The following SNX30 variants were observed in gnomAD, a reference collection of about 807,000 sequenced individuals.
SNX30 encodes the protein sorting nexin-30.
A neutral mutation model predicts 46.4 loss-of-function variants in SNX30; 24 were observed. That is an observed-to-expected ratio of 0.52 (90% CI 0.37 to 0.73). The LOEUF (loss-of-function observed/expected upper bound fraction) is 0.73. Among genes scored for constraint, SNX30 ranks in the 30% least tolerant of loss-of-function variants. SNX30 has a pLI of 0.00. For synonymous variants in SNX30, 189 were observed against 211.5 expected, an observed-to-expected ratio of 0.89 and a Z score of 0.92; for missense variants, 533 against 555.7, an observed-to-expected ratio of 0.96 and a Z score of 0.41.
chr9:112,751,169 G>C lies in SNX30; in HGVS notation c.156+12G>C, dbSNP rs1437866339. 6.7e-7 allele frequency: 1 copy of C among 1,493,200 alleles called. No individual in the cohort carries two copies. Among genetic ancestry groups the C allele is most frequent in the South Asian group, 1.3e-5 (1 of 77,996 alleles). 92.5% of individuals were successfully genotyped at this position (1,493,200 alleles called of 1,614,324 possible). A position where few individuals can be genotyped will look rare whatever the true frequency, so the allele number is the denominator to read the frequency against. On this transcript the variant is annotated intron_variant, in intron 1 of 8. Coordinates refer to ENST00000374232, the MANE Select transcript of SNX30 (RefSeq NM_001012994.2). ...GCTTCGGTGACAAGGTGGGGCGCCT[G>C]GGGCCGGGGAGTGGGAGGCTTATTT...
chr9:112,822,459 C>T (rs908969301), intron 3 of SNX30, among the ~76,000 whole-genome samples: 1 of 151,814 alleles, frequency 6.6e-6, no homozygotes, highest in Non-Finnish European at 1.5e-5. Context: ...GTATGTACCC[C>T]TGATACCATC....
chr9:112,796,143 C>A (rs1441382558), intron 1 of SNX30, among the ~76,000 whole-genome samples: 2 of 152,160 alleles, frequency 1.3e-5, no homozygotes, highest in East Asian at 1.9e-4. Context: ...TCAAACCAGG[C>A]CAGATTGTGG....
chr9:112,864,763 C>T (rs1361786214), intron 8 of SNX30, among the ~76,000 whole-genome samples: 1 of 152,112 alleles, frequency 6.6e-6, no homozygotes, highest in Non-Finnish European at 1.5e-5. Context: ...GTTCTGTACA[C>T]AGGGTCCCTT....
chr9:112,881,975 G>C (rs1375831969), downstream of SNX30, among the ~76,000 whole-genome samples: 4 of 152,176 alleles, frequency 2.6e-5, no homozygotes, highest in Admixed American at 1.3e-4. Flanking sequence ...GAGAAGAGTG[G>C]GAGGGGAGGC....
chr9:112,855,639 C>G (rs745432434), intron 7 of SNX30, among the ~76,000 whole-genome samples: 1 of 151,874 alleles, frequency 6.6e-6, no homozygotes, highest in Non-Finnish European at 1.5e-5. Flanking sequence ...GCAGAGGATG[C>G]GGAGGCCTCT....
Position 112,806,171 on chromosome 9 carries a change from T to C in SNX30, c.348+1204T>C, listed in dbSNP as rs1443829808. ...CCATGAGACGGCAGGAGTGTTCTCT[T>C]GGTCCCCAGTTGTGACAACCAAAAA... On this transcript the variant is annotated intron_variant, in intron 2 of 8. Coordinates refer to ENST00000374232, the MANE Select transcript of SNX30 (RefSeq NM_001012994.2). Among the ~76,000 whole-genome samples, 5 of 152,172 alleles carry C rather than the reference T, an allele frequency of 3.3e-5. No individual in the cohort carries two copies. The East Asian group carries it at 9.6e-4, about 29-fold the overall frequency.
At chr9:112,770,951 G>A (rs555533149) in intron 1 of SNX30, among the ~76,000 whole-genome samples, 2 of 152,302 alleles carry the variant, frequency 1.3e-5, no homozygotes, top group South Asian at 2.1e-4. Flanking sequence ...AGCCGAGATC[G>A]GGCCACTGCA....
downstream of SNX30, chr9:112,879,405 C>T (rs560726658): frequency 9.2e-6 from 2 of 218,312 alleles, no homozygotes; most frequent in Admixed American, 5.2e-5. Flanking sequence ...CAAGACAGTC[C>T]CTTGAAGAAA....
chr9:112,833,167 A>T (rs1352515243), intron 4 of SNX30, among the ~76,000 whole-genome samples: 1 of 152,172 alleles, frequency 6.6e-6, no homozygotes, highest in Non-Finnish European at 1.5e-5. Context: ...TGCAGATCTG[A>T]AACTCTATGC....
At chr9:112,844,726 G>A (rs1035431708) in intron 6 of SNX30, among the ~76,000 whole-genome samples, 4 of 152,236 alleles carry the variant, frequency 2.6e-5, no homozygotes, top group Non-Finnish European at 5.9e-5. Flanking sequence ...GGATGCATAA[G>A]TTTTGGCTTA....
At chr9:112,809,066 T>A (rs1840275552) in intron 2 of SNX30, among the ~76,000 whole-genome samples, 1 of 150,262 alleles carries the variant, frequency 6.7e-6, no homozygotes, top group Non-Finnish European at 1.5e-5. Context: ...ATTAATAATC[T>A]TGCCCAAAAG....
At chr9:112,817,401 C>CTTTTTTTTT (rs56856142) in intron 2 of SNX30, among the ~76,000 whole-genome samples, 1,409 of 46,830 alleles carry the variant, frequency 0.03, 430 homozygotes, top group African/African-American at 0.099. Context: ...AAAAAACTGG[C>CTTTTTTTTT]TTTTTTTTTT....
intron 1 of SNX30, among the ~76,000 whole-genome samples, chr9:112,795,765 T>TCA (rs1554751568): frequency 0.012 from 1,468 of 123,310 alleles, 15 homozygotes; most frequent in African/African-American, 0.031. Context: ...CACAGTACAG[T>TCA]CACACACACA....
At chr9:112,755,044 G>A (rs147375688) in intron 1 of SNX30, among the ~76,000 whole-genome samples, 2 of 152,210 alleles carry the variant, frequency 1.3e-5, no homozygotes, top group Admixed American at 6.5e-5. Flanking sequence ...TTGTTCATTT[G>A]ATACATATTT....
At chr9:112,848,596 C>T (rs749054) in intron 6 of SNX30, among the ~76,000 whole-genome samples, 66,770 of 152,034 alleles carry the variant, frequency 0.44, 15,354 homozygotes, top group East Asian at 0.65. Flanking sequence ...GGAAGATGCG[C>T]GTTCACTCTG....
intron 1 of SNX30, among the ~76,000 whole-genome samples, chr9:112,796,525 T>G (rs1840109628): frequency 6.6e-6 from 1 of 152,160 alleles, no homozygotes; most frequent in African/African-American, 2.4e-5. Flanking sequence ...TGAGAGGGGC[T>G]GTTGAAGGTA....
chr9:112,836,339 C>T lies in SNX30; in HGVS notation c.744C>T (p.Tyr248=). The change falls in exon 5 of 9, where the codon TAC becomes TAT. Residue 248 remains tyrosine, a synonymous_variant. Transcript: ENST00000374232. ...RPLEFAAIGD[Y]LDTFALKLGT... is the part of the protein sequence containing the mutation. ...TTGAGTTTGCTGCCATAGGTGACTACTTAGATACATTTGCACTCAAACTGG... is the reference window on the plus strand; with the variant it reads ...TTGAGTTTGCTGCCATAGGTGACTATTTAGATACATTTGCACTCAAACTGG... The T allele has an allele frequency of 6.2e-7, 1 of 1,612,528 alleles. No homozygotes were observed. Among genetic ancestry groups the T allele is most frequent in the East Asian group, 2.2e-5 (1 of 44,806 alleles).
chr9:112,823,093 A>G (rs555989510), intron 3 of SNX30, among the ~76,000 whole-genome samples: 129 of 152,368 alleles, frequency 8.5e-4, no homozygotes, highest in African/African-American at 2.8e-3. Context: ...ATATATAGGT[A>G]TGTATATACA....
intron 1 of SNX30, among the ~76,000 whole-genome samples, chr9:112,790,784 A>G (rs1013689050): frequency 6.6e-6 from 1 of 152,212 alleles, no homozygotes; most frequent in African/African-American, 2.4e-5. Context: ...TTTACCATTT[A>G]AAAATGCTTT....
Sources: allele counts gnomAD v4.1 joint callset (sites outside exome capture counted in the v4.1 genomes callset), GRCh38; gene constraint gnomAD v4.1.1; transcripts MANE v1.5; gene names NCBI Gene and HGNC (gene_info 2026-07-23, HGNC 2026-07-21).